The following TBC1D4 variants were observed in gnomAD, a reference collection of about 807,000 sequenced individuals.
TBC1D4 encodes the protein TBC (Tre-2, BUB2, CDC16) domain-containing protein.
TBC1D4 carries 121 observed loss-of-function variants against 142.5 expected under a neutral mutation model. The ratio of observed to expected loss-of-function variants is 0.85; its 90% CI spans 0.73 to 0.99. TBC1D4 has a LOEUF of 0.99. Among genes scored for constraint, TBC1D4 ranks in the 50% least tolerant of loss-of-function variants. The pLI, the probability that TBC1D4 is intolerant of heterozygous loss-of-function variation, is 0.00. For synonymous variants in TBC1D4, 630 were observed against 628.2 expected, an observed-to-expected ratio of 1.00 and a Z score of -0.04; for missense variants, 1,475 against 1,606.6, an observed-to-expected ratio of 0.92 and a Z score of 1.40.
intron 2 of TBC1D4, among the ~76,000 whole-genome samples, chr13:75,361,001 T>C (rs908248231): frequency 3.3e-5 from 5 of 152,158 alleles, no homozygotes; most frequent in Admixed American, 2.0e-4. Flanking sequence ...CTCTTTTCTT[T>C]CCCCCCAAGG....
At chr13:75,356,084 G>A in intron 4 of TBC1D4, 63 bp downstream of exon 4, 1 of 1,284,052 alleles carries the variant, frequency 7.8e-7, no homozygotes, top group East Asian at 2.3e-5. Flanking sequence ...GCTCCTAAGA[G>A]ACAAGTCTTC....
chr13:75,403,848 T>C (rs1311276617), intron 1 of TBC1D4, among the ~76,000 whole-genome samples: 2 of 152,170 alleles, frequency 1.3e-5, no homozygotes, highest in African/African-American at 4.8e-5. Context: ...AGAGACTTCT[T>C]AAGAGAAGCA....
At chr13:75,451,513 CTACAAAA>C (rs1163166246) in intron 1 of TBC1D4, among the ~76,000 whole-genome samples, 2 of 149,610 alleles carry the variant, frequency 1.3e-5, no homozygotes, top group Non-Finnish European at 3.0e-5. Context: ...GACTCCATCT[CTACAAAA>C]TATAAAAAAT....
At chr13:75,346,041 G>C (rs1881119564) in intron 5 of TBC1D4, among the ~76,000 whole-genome samples, 1 of 152,088 alleles carries the variant, frequency 6.6e-6, no homozygotes, top group Admixed American at 6.6e-5. Flanking sequence ...TACAGTGTAT[G>C]GTTTGAAAAA....
chr13:75,361,334 C>T (rs1882481818), intron 2 of TBC1D4, among the ~76,000 whole-genome samples: 1 of 152,056 alleles, frequency 6.6e-6, no homozygotes, highest in Admixed American at 6.5e-5. Flanking sequence ...TTCTCCATGC[C>T]AAATCGCACT....
chr13:75,419,215 G>A lies in TBC1D4; in HGVS notation c.499-56608C>T, dbSNP rs115367221. On this transcript the variant is annotated intron_variant, in intron 1 of 20. Coordinates refer to ENST00000377636, the MANE Select transcript of TBC1D4 (RefSeq NM_014832.5). ...ATAACTGCTTAAGAAAGTTTTGCTGGAGGTTATTTTGCTGGTCAAGCTCTG... is the reference window on the plus strand; with the variant it reads ...ATAACTGCTTAAGAAAGTTTTGCTGAAGGTTATTTTGCTGGTCAAGCTCTG... Among the ~76,000 whole-genome samples, 624 of 152,306 alleles carry A rather than the reference G, an allele frequency of 4.1e-3. 9 individuals are homozygous for A. Among genetic ancestry groups the A allele is most frequent in the African/African-American group, 0.015 (607 of 41,560 alleles).
chr13:75,320,867 C>CAAA (rs148657060), intron 11 of TBC1D4, among the ~76,000 whole-genome samples: 25 of 84,370 alleles, frequency 3.0e-4, no homozygotes, highest in African/African-American at 8.7e-4. Context: ...ACTAAAAATA[C>CAAA]AAAAAAAAAA....
intron 16 of TBC1D4, among the ~76,000 whole-genome samples, chr13:75,299,823 C>CAAAAAA (rs56719877): frequency 1.9e-5 from 2 of 105,960 alleles, no homozygotes; most frequent in African/African-American, 3.5e-5. Flanking sequence ...TTCTTTCCAG[C>CAAAAAA]AAAAAAAAAA....
chr13:75,481,623 T>A lies in TBC1D4; in HGVS notation c.145A>T (p.Arg49Trp). 2 of 1,608,362 alleles carry A rather than the reference T, an allele frequency of 1.2e-6. No individual in the cohort carries two copies. The highest frequency in any genetic ancestry group is 1.7e-6 in the Non-Finnish European group (2 of 1,177,704). ...WYVGGSCLDH[R>W]TTLPMLPWLM... Reference sequence around the variant, plus strand: ...CAGGGCAGCATAGGCAGCGTGGTCCTGTGGTCCAGGCACGACCCCCCAACG... The same window carrying A: ...CAGGGCAGCATAGGCAGCGTGGTCCAGTGGTCCAGGCACGACCCCCCAACG... Residue 49 changes from arginine (R) to tryptophan (W), a missense_variant, in exon 1 of 21, where the codon AGG becomes TGG. By Grantham distance (101) the Arg-to-Trp change is moderately radical (BLOSUM62 -3). This residue lies in a region of TBC1D4 where 1,227 missense variants were observed against 1,267.7 expected (regional missense o/e 0.97). Transcript: ENST00000377636.
chr13:75,390,684 G>C (rs996673504), intron 1 of TBC1D4, among the ~76,000 whole-genome samples: 2 of 152,064 alleles, frequency 1.3e-5, no homozygotes, highest in African/African-American at 4.8e-5. Flanking sequence ...GACCTTCAAA[G>C]AGATTTACAA....
intron 1 of TBC1D4, among the ~76,000 whole-genome samples, chr13:75,452,244 T>C (rs1887563901): frequency 6.6e-6 from 1 of 152,178 alleles, no homozygotes. Flanking sequence ...GCCTAGAAAT[T>C]GGAAATTAGA....
At chr13:75,314,966 C>T (rs371737503) in intron 12 of TBC1D4, among the ~76,000 whole-genome samples, 2 of 151,424 alleles carry the variant, frequency 1.3e-5, no homozygotes, top group South Asian at 2.1e-4. Flanking sequence ...GGCAACAGAG[C>T]GAGGCTCCAT....
chr13:75,305,288 G>A (rs1877059899), intron 15 of TBC1D4, among the ~76,000 whole-genome samples: 1 of 152,162 alleles, frequency 6.6e-6, no homozygotes, highest in South Asian at 2.1e-4. Context: ...GTCTTTATCA[G>A]CAGCCTAAAA....
intron 1 of TBC1D4, among the ~76,000 whole-genome samples, chr13:75,436,133 G>A (rs185750777): frequency 6.6e-6 from 1 of 152,174 alleles, no homozygotes; most frequent in African/African-American, 2.4e-5. Context: ...TTTATAAAGG[G>A]CACTTCCCCT....
Position 75,482,115 on chromosome 13 carries a change from C to T in TBC1D4, c.-348G>A. 1 of 206,982 alleles carries T rather than the reference C, an allele frequency of 4.8e-6. No individual in the cohort carries two copies. The highest frequency in any genetic ancestry group is 9.5e-6 in the Non-Finnish European group (1 of 104,796). 12.8% of individuals were successfully genotyped at this position (206,982 alleles called of 1,614,324 possible). ...CCACGCCGAGGGTCCCCGCGGCCGC[C>T]GGCTCCAGCGCTGCAGCCCCGCTGC... On this transcript the variant is annotated 5_prime_UTR_variant, in exon 1 of 21. Coordinates refer to ENST00000377636, the MANE Select transcript of TBC1D4 (RefSeq NM_014832.5).
intron 1 of TBC1D4, among the ~76,000 whole-genome samples, chr13:75,449,029 T>A (rs1887415539): frequency 7.7e-6 from 1 of 130,210 alleles, no homozygotes. Context: ...GTATATGCAT[T>A]CACATATTTG....
intron 1 of TBC1D4, among the ~76,000 whole-genome samples, chr13:75,455,351 C>T (rs1887687278): frequency 6.6e-6 from 1 of 151,952 alleles, no homozygotes; most frequent in Non-Finnish European, 1.5e-5. Context: ...CCTATTTGTG[C>T]TTACTATACA....
chr13:75,332,463 A>C lies in TBC1D4; in HGVS notation c.1731+4458T>G, dbSNP rs543889500. Among the ~76,000 whole-genome samples the C allele has an allele frequency of 2.0e-5, 3 of 152,316 alleles. No individual in the cohort carries two copies. The East Asian group carries it at 5.8e-4, about 29-fold the overall frequency. ...GGTCTTTTCTGCTAAAATTTTCACTAAACACTGTGTTCAATTCAGGTAGCT... is the reference window on the plus strand; with the variant it reads ...GGTCTTTTCTGCTAAAATTTTCACTCAACACTGTGTTCAATTCAGGTAGCT... On this transcript the variant is annotated intron_variant, in intron 8 of 20. Coordinates refer to ENST00000377636, the MANE Select transcript of TBC1D4 (RefSeq NM_014832.5).
chr13:75,465,799 A>AT (rs1888142224), intron 1 of TBC1D4, among the ~76,000 whole-genome samples: 2 of 152,104 alleles, frequency 1.3e-5, no homozygotes, highest in South Asian at 4.1e-4. Flanking sequence ...CTACCTAGAG[A>AT]TTTTACCTGC....
Sources: gnomAD v4.1 joint callset for allele counts (sites outside exome capture counted in the v4.1 genomes callset) on GRCh38, gnomAD v4.1.1 for gene constraint, gnomAD v4.1.1 regional missense constraint, MANE v1.5 for transcripts, NCBI Gene and HGNC (gene_info 2026-07-23, HGNC 2026-07-21) for gene names.